Variants in WDR11 observed in about 807,000 individuals in gnomAD.
WDR11 encodes the protein WD repeat-containing protein 11.
A neutral mutation model predicts 151.2 loss-of-function variants in WDR11; 83 were observed. The ratio of observed to expected loss-of-function variants is 0.55; its 90% CI spans 0.46 to 0.66. The LOEUF (loss-of-function observed/expected upper bound fraction) is 0.66. WDR11 is among the 30% of genes least tolerant of loss of function. The pLI, the probability that WDR11 is intolerant of heterozygous loss-of-function variation, is 0.00. For synonymous variants in WDR11, 484 were observed against 533.1 expected (o/e 0.91, Z 1.27); for missense variants, 1,301 against 1,480.9 (o/e 0.88, Z 1.99).
At chr10:120,858,573 GT>G in intron 2 of WDR11, 69 bp from the exon 3 acceptor site, 1 of 1,581,236 alleles carries the variant, frequency 6.3e-7, no homozygotes, top group Admixed American at 1.7e-5. Flanking sequence ...TCTGGTTGAT[GT>G]TTTGTGAAAA....
intron 9 of WDR11, chr10:120,868,538 G>T (rs1846399505): frequency 6.6e-6 from 1 of 152,142 alleles, no homozygotes; most frequent in African/African-American, 2.4e-5. Context: ...GTTAAGTGCT[G>T]TGCTAAATAT....
At chr10:120,902,915 C>A in intron 22 of WDR11, 140 bp from the exon 23 acceptor site, 2 of 877,786 alleles carry the variant, frequency 2.3e-6, no homozygotes, top group South Asian at 2.9e-5. Context: ...TGCTGCCTCC[C>A]CCTTTCACCC....
At chr10:120,887,600 A>G (rs1326596186) in intron 16 of WDR11, among the ~76,000 whole-genome samples, 1 of 152,318 alleles carries the variant, frequency 6.6e-6, no homozygotes, top group East Asian at 1.9e-4. Flanking sequence ...GGCTGTGGCT[A>G]CAGTCTTTTG....
At chr10:120,885,031 G>A (rs77590791) in intron 14 of WDR11, 1,997 of 152,356 alleles carry the variant, frequency 0.013, 17 homozygotes, top group Non-Finnish European at 0.018. Flanking sequence ...CACGCTGGCA[G>A]CACTTGGGCA....
At chr10:120,860,377 A>G in intron 4 of WDR11, 95 bp downstream of exon 4, 9 of 1,421,066 alleles carry the variant, frequency 6.3e-6, no homozygotes, top group Middle Eastern at 2.3e-4. Context: ...TTATACATCT[A>G]TAATGTTAAA....
intron 13 of WDR11, among the ~76,000 whole-genome samples, chr10:120,882,138 T>C (rs1847029347): frequency 6.6e-6 from 1 of 152,126 alleles, no homozygotes; most frequent in African/African-American, 2.4e-5. Flanking sequence ...GTTTTTCTTT[T>C]TGAAGTTCAC....
chr10:120,902,353 G>C, intron 22 of WDR11, 31 bp downstream of exon 22: 1 of 1,591,032 alleles, frequency 6.3e-7, no homozygotes, highest in Non-Finnish European at 8.6e-7. Flanking sequence ...CTGTATAAGA[G>C]ACAGGATTTC....
rs1239017390 is a variant in WDR11, at chr10:120,885,858, A to C, written c.1893A>C (p.Gln631His). 6.2e-7 allele frequency: 1 copy of C among 1,613,738 alleles called. No individual in the cohort carries two copies. Among genetic ancestry groups the C allele is most frequent in the Admixed American group, 1.7e-5 (1 of 59,980 alleles). Reference protein sequence around the residue: ...SHNLKSLRKKQLATREAMARQ... With the variant: ...SHNLKSLRKKHLATREAMARQ... ...ACTTGAAGAGCCTGAGAAAGAAGCA[A>C]CTTGCAACTCGAGAGGCCATGGCCC... The change falls in exon 15 of 29, where the codon CAA becomes CAC. Residue 631 changes from glutamine to histidine, a missense_variant. Gln to His is a conservative substitution (Grantham distance 24). This residue lies in a region of WDR11 where 20 missense variants were observed against 47.8 expected (regional missense o/e 0.42). Coordinates refer to ENST00000263461, the MANE Select transcript of WDR11 (RefSeq NM_018117.12).
At chr10:120,873,546 A>C (rs1316154331) in intron 10 of WDR11, among the ~76,000 whole-genome samples, 1 of 152,210 alleles carries the variant, frequency 6.6e-6, no homozygotes, top group Admixed American at 6.5e-5. Flanking sequence ...AGCTTAGGAA[A>C]GTGTTTCTTC....
At chr10:120,879,469 T>TA (rs1846921011) in intron 12 of WDR11, 1 of 152,120 alleles carries the variant, frequency 6.6e-6, no homozygotes, top group Non-Finnish European at 1.5e-5. Flanking sequence ...ATCCCAGGGA[T>TA]AAAATGCTGT....
intron 6 of WDR11, 83 bp downstream of exon 6, chr10:120,865,295 G>A: frequency 7.3e-7 from 1 of 1,367,232 alleles, no homozygotes; most frequent in South Asian, 1.2e-5. Flanking sequence ...CATAAGTCTT[G>A]TCTTCAGTTC....
chr10:120,874,176 G>GTTTTTTTTTTTTTTT (rs66873217), intron 11 of WDR11, among the ~76,000 whole-genome samples: 43 of 83,470 alleles, frequency 5.2e-4, no homozygotes, highest in South Asian at 1.1e-3. Context: ...GGTTTTTGCA[G>GTTTTTTTTTTTTTTT]TTTTTTTTTT....
intron 11 of WDR11, among the ~76,000 whole-genome samples, chr10:120,874,186 T>TTTTC (rs1554854828): frequency 2.1e-5 from 2 of 96,924 alleles, no homozygotes; most frequent in Non-Finnish European, 4.4e-5. Context: ...GTTTTTTTTT[T>TTTTC]TTTTTTGTTG....
At chr10:120,872,199 ACC>A (rs1220804174) in intron 10 of WDR11, among the ~76,000 whole-genome samples, 1 of 151,924 alleles carries the variant, frequency 6.6e-6, no homozygotes, top group Non-Finnish European at 1.5e-5. Flanking sequence ...GTTTGGTAGT[ACC>A]CTTCTGTTTT....
rs140947671 is a variant in WDR11 at position 120,885,692 on chromosome 10, T to A, written c.1849-122T>A. 8,374 of 1,244,254 alleles carry A rather than the reference T, an allele frequency of 6.7e-3. 43 individuals are homozygous for A. Among genetic ancestry groups the A allele is most frequent in the Non-Finnish European group, 8.8e-3 (7,671 of 867,946 alleles). 77.1% of individuals were successfully genotyped at this position (1,244,254 alleles called of 1,614,324 possible). A position where few individuals can be genotyped will look rare whatever the true frequency, so the allele number is the denominator to read the frequency against. Reference sequence around the variant, plus strand: ...GTAGGTAAAATCTAAAGAACAAATGTGGATTCATGTGTAGTAATAATAAAT... The same window carrying A: ...GTAGGTAAAATCTAAAGAACAAATGAGGATTCATGTGTAGTAATAATAAAT... On this transcript the variant is annotated intron_variant, in intron 14 of 28. Coordinates refer to ENST00000263461, the MANE Select transcript of WDR11 (RefSeq NM_018117.12).
chr10:120,900,086 T>C lies in WDR11; in HGVS notation c.2573T>C (p.Phe858Ser). 2 of 1,614,178 alleles carry C rather than the reference T, an allele frequency of 1.2e-6. No individual in the cohort carries two copies. Among genetic ancestry groups the C allele is most frequent in the Middle Eastern group, 3.3e-4 (2 of 6,062 alleles). ...AGGGCCTCTCTTGCCTTGAAAGCCT[T>C]CTTATTACACCAGCCTTGGAATGGA... ...VPRASLALKA[F>S]LLHQPWNGQY... The change falls in exon 20 of 29, where the codon TTC (phenylalanine) becomes TCC (serine). Residue 858 changes from phenylalanine (F) to serine (S), a missense_variant. By Grantham distance (155) the Phe-to-Ser change is radical. Coordinates refer to ENST00000263461, the MANE Select transcript of WDR11 (RefSeq NM_018117.12).
At chr10:120,899,787 A>C in intron 19 of WDR11, 1 of 532,424 alleles carries the variant, frequency 1.9e-6, no homozygotes, top group East Asian at 3.3e-5. Flanking sequence ...TGTCTCAAAA[A>C]AAAAATAAAA....
intron 4 of WDR11, 123 bp from the exon 5 acceptor site, chr10:120,862,612 C>A: frequency 9.9e-7 from 1 of 1,012,822 alleles, no homozygotes; most frequent in Non-Finnish European, 1.5e-6. Context: ...GTTATGAATG[C>A]ATAACATTGC....
rs1847966504 is a variant in WDR11 at position 120,904,698 on chromosome 10, A to T, written c.3080A>T (p.Tyr1027Phe). The T allele has an allele frequency of 1.9e-6, 3 of 1,614,206 alleles. No homozygotes were observed. In the South Asian group the frequency reaches 3.3e-5, roughly 18 times the overall value. ...GAAACAAGTGCAGATAACCAGCATTATTACTGTGATTCACTGAAAGCCTGT... is the reference window on the plus strand; with the variant it reads ...GAAACAAGTGCAGATAACCAGCATTTTTACTGTGATTCACTGAAAGCCTGT... ...LLETSADNQH[Y>F]YCDSLKACLV... The change falls in exon 25 of 29, where the codon TAT (tyrosine) becomes TTT (phenylalanine). Residue 1027 changes from tyrosine to phenylalanine, a missense_variant. This residue lies in a region of WDR11 where 589 missense variants were observed against 670.6 expected (regional missense o/e 0.88). Coordinates refer to ENST00000263461, the MANE Select transcript of WDR11 (RefSeq NM_018117.12).
Sources: gnomAD v4.1 joint callset for allele counts (sites outside exome capture counted in the v4.1 genomes callset) on GRCh38, gnomAD v4.1.1 for gene constraint, gnomAD v4.1.1 regional missense constraint, MANE v1.5 for transcripts, NCBI Gene and HGNC (gene_info 2026-07-23, HGNC 2026-07-21) for gene names.